Variants in CCDC63 observed in about 807,000 individuals in gnomAD.
The protein encoded by CCDC63 is coiled-coil domain containing 63.
A neutral mutation model predicts 63.6 loss-of-function variants in CCDC63; 54 were observed. That is an observed-to-expected ratio of 0.85 (90% CI 0.68 to 1.07). The LOEUF is 1.07. Among genes scored for constraint, CCDC63 ranks in the 50% least tolerant of loss-of-function variants. The pLI is 0.00. For missense variants in CCDC63, 637 were observed against 689.6 expected, an observed-to-expected ratio of 0.92 and a Z score of 0.86; for synonymous variants, 253 against 266.1, an observed-to-expected ratio of 0.95 and a Z score of 0.48.
intron 11 of CCDC63, among the ~76,000 whole-genome samples, chr12:110,906,807 G>A (rs1344022609): frequency 6.6e-6 from 1 of 152,116 alleles, no homozygotes; most frequent in Non-Finnish European, 1.5e-5. Context: ...GGGGAGAGGT[G>A]GGCCAAGCTG....
intron 8 of CCDC63, among the ~76,000 whole-genome samples, chr12:110,886,763 G>T (rs1379417224): frequency 6.6e-6 from 1 of 152,122 alleles, no homozygotes. Context: ...ATGGGGAGGT[G>T]TGGGGTGGGA....
intron 3 of CCDC63, among the ~76,000 whole-genome samples, chr12:110,856,258 G>C (rs1204389054): frequency 6.6e-6 from 1 of 151,706 alleles, no homozygotes; most frequent in Non-Finnish European, 1.5e-5. Context: ...GCTAATTTTT[G>C]TATTTTTAGT....
intron 4 of CCDC63, among the ~76,000 whole-genome samples, chr12:110,867,345 G>A (rs1417647425): frequency 1.5e-4 from 18 of 119,474 alleles, no homozygotes; most frequent in African/African-American, 6.0e-4. Context: ...CTGGCCGGGT[G>A]GAGGGCTGAC....
At position 110,858,619 on chromosome 12, in the gene CCDC63, T is replaced by A; in HGVS notation, c.213T>A (p.Asp71Glu). The A allele has an allele frequency of 6.2e-7, 1 of 1,613,816 alleles. No individual in the cohort carries two copies. Among genetic ancestry groups the A allele is most frequent in the East Asian group, 2.2e-5 (1 of 44,872 alleles). Residue 71 changes from aspartate (D) to glutamate (E), a missense_variant, in exon 4 of 12, where the codon GAT becomes GAA. By Grantham distance (45) the Asp-to-Glu change is conservative (BLOSUM62 2). Coordinates refer to ENST00000308208, the MANE Select transcript of CCDC63 (RefSeq NM_152591.3). Reference sequence around the variant, plus strand: ...TCAAGACCCTGAAGACAGAGCAGGATGAGATCACCCTACTGTTGAGTCTCA... The same window carrying A: ...TCAAGACCCTGAAGACAGAGCAGGAAGAGATCACCCTACTGTTGAGTCTCA... The part of the protein sequence containing the change: ...KEIKTLKTEQ[D>E]EITLLLSLMK...
intron 4 of CCDC63, among the ~76,000 whole-genome samples, chr12:110,867,249 C>CG (rs2070972862): frequency 9.7e-6 from 1 of 103,366 alleles, no homozygotes; most frequent in Non-Finnish European, 2.0e-5. Flanking sequence ...CCCTCCCGGA[C>CG]GGGGCGGCTG....
At chr12:110,867,083 A>G (rs1311830231) in intron 4 of CCDC63, among the ~76,000 whole-genome samples, 18 of 99,522 alleles carry the variant, frequency 1.8e-4, no homozygotes, top group Admixed American at 3.3e-4. Flanking sequence ...GGGCAGAGGC[A>G]CCCCTCACCT....
At chr12:110,858,550 G>A (rs569872429) in intron 3 of CCDC63, 36 bp from the exon 4 acceptor site, 1 of 1,575,812 alleles carries the variant, frequency 6.3e-7, no homozygotes. Context: ...TTAAACTTAG[G>A]GGTTTGGGGT....
rs2070733717 is a variant in CCDC63, at chr12:110,853,544, T to G, written c.149T>G (p.Phe50Cys). ...GTGGAAAGCCGGAAGTCTTTTAAGT[T>G]CCGAAACCAGCAGAAGATTGCGAGT... ...KMVESRKSFK[F>C]RNQQKIASQY... The change falls in exon 3 of 12, where the codon TTC (phenylalanine) becomes TGC (cysteine). Residue 50 changes from phenylalanine to cysteine, a missense_variant. Physicochemically the swap from Phe to Cys is radical, Grantham distance 205. Coordinates refer to ENST00000308208, the MANE Select transcript of CCDC63 (RefSeq NM_152591.3). The G allele has an allele frequency of 6.2e-7, 1 of 1,614,014 alleles. No individual in the cohort carries two copies. The highest frequency in any genetic ancestry group is 1.1e-5 in the South Asian group (1 of 91,082).
chr12:110,894,081 G>A (rs571205054), intron 9 of CCDC63, among the ~76,000 whole-genome samples: 5 of 151,994 alleles, frequency 3.3e-5, no homozygotes, highest in South Asian at 4.2e-4. Flanking sequence ...CCTGGGCTCC[G>A]TCTTTCTGTT....
At chr12:110,853,632 T>C in intron 3 of CCDC63, 58 bp downstream of exon 3, 1 of 1,595,732 alleles carries the variant, frequency 6.3e-7, no homozygotes, top group Non-Finnish European at 8.6e-7. Flanking sequence ...GGGGTTGGGC[T>C]TCATGTTGCT....
intron 1 of CCDC63, among the ~76,000 whole-genome samples, chr12:110,851,723 C>T (rs1009197921): frequency 2.0e-5 from 3 of 152,178 alleles, no homozygotes; most frequent in African/African-American, 7.2e-5. Context: ...CCTGCACCTT[C>T]GCCCTCTGAA....
In CCDC63 at chr12:110,903,805, A is replaced by G. The variant is rs11065759; in HGVS notation, c.1343-783A>G. On this transcript the variant is annotated intron_variant, in intron 10 of 11. Coordinates refer to ENST00000308208, the MANE Select transcript of CCDC63 (RefSeq NM_152591.3). ...ATTCAGGAAGTGTGTAGGGAAAGGC[A>G]TTCTGGCAGAAGGAACAGCATAAGC... 5.2e-3 allele frequency among the ~76,000 whole-genome samples: 786 copies of G among 150,596 alleles called. 7 individuals are homozygous for G. Among genetic ancestry groups the G allele is most frequent in the African/African-American group, 0.018 (751 of 41,084 alleles).
chr12:110,872,872 C>T (rs2071084310), intron 4 of CCDC63, among the ~76,000 whole-genome samples: 1 of 152,134 alleles, frequency 6.6e-6, no homozygotes, highest in South Asian at 2.1e-4. Context: ...AGTGATACTC[C>T]CACCTTGGCC....
At position 110,907,100 on chromosome 12, in the gene CCDC63, C is replaced by T. The variant is rs1274143503; in HGVS notation, c.1547-231C>T. On this transcript the variant is annotated intron_variant, in intron 11 of 11. Transcript: ENST00000308208. This position sits in a 1 kb window ranked among gnomAD's most constrained non-coding sequence, Gnocchi z 4.4. The stretch of plus-strand genomic sequence containing the variant: ...CATCCTGAACAACTGCACATGGTGG[C>T]CCTAACTCCTTAACATTAAACCAGA... Among the ~76,000 whole-genome samples, 8 of 152,200 alleles carry T rather than the reference C, an allele frequency of 5.3e-5. No homozygotes were observed. The East Asian group carries it at 1.5e-3, about 29-fold the overall frequency.
rs150187171 is a variant in CCDC63, at chr12:110,855,033, C to T, written c.179+1459C>T. ...TTCAAACTCCTGAGCTCAAGCAATC[C>T]GCCCGCCTAGGCCTCCCAAAGTTCT... On this transcript the variant is annotated intron_variant, in intron 3 of 11. Coordinates refer to ENST00000308208, the MANE Select transcript of CCDC63 (RefSeq NM_152591.3). Among the ~76,000 whole-genome samples the T allele has an allele frequency of 6.6e-5, 10 of 152,156 alleles. No individual in the cohort carries two copies. In the East Asian group the frequency reaches 7.8e-4, roughly 12 times the overall value.
intron 11 of CCDC63, among the ~76,000 whole-genome samples, chr12:110,905,898 ATATAATATATATTATAT>A (rs2071556790): frequency 3.0e-5 from 2 of 67,054 alleles, no homozygotes; most frequent in African/African-American, 1.2e-4. Flanking sequence ...ATAATATTAT[ATATAATATATATTATAT>A]TATATATAAT....
At chr12:110,860,143 G>A (rs534447494) in intron 4 of CCDC63, among the ~76,000 whole-genome samples, 6 of 152,302 alleles carry the variant, frequency 3.9e-5, no homozygotes, top group South Asian at 2.1e-4. Context: ...TCGCAACAGC[G>A]GGGGAGGGGG....
chr12:110,904,234 C>T (rs533117443), intron 10 of CCDC63, among the ~76,000 whole-genome samples: 58 of 151,486 alleles, frequency 3.8e-4, no homozygotes, highest in African/African-American at 1.3e-3. Context: ...TGCAGCTACT[C>T]GGAAGACTGA....
At chr12:110,887,269 G>A (rs753176975) in intron 8 of CCDC63, among the ~76,000 whole-genome samples, 18 of 152,038 alleles carry the variant, frequency 1.2e-4, no homozygotes, top group Non-Finnish European at 2.6e-4. Flanking sequence ...TGGGACTACA[G>A]GCAGAGCCAC....
Sources: gnomAD v4.1 joint callset for allele counts (sites outside exome capture counted in the v4.1 genomes callset) on GRCh38, gnomAD v4.1.1 for gene constraint, Gnocchi (gnomAD v3.1) non-coding constraint, MANE v1.5 for transcripts, NCBI Gene and HGNC (gene_info 2026-07-23, HGNC 2026-07-21) for gene names.